ASAP1: variants seen among roughly 807,000 people sequenced by gnomAD.
ASAP1 encodes arf-GAP with SH3 domain, ANK repeat and PH domain-containing protein 1.
Under a neutral mutation model 145.2 loss-of-function variants are expected in ASAP1, and 43 were observed. That is an observed-to-expected ratio of 0.30 (90% CI 0.23 to 0.38). The LOEUF (loss-of-function observed/expected upper bound fraction) is 0.38, where lower values mean the gene tolerates loss of function less well. ASAP1 is among the 10% of genes least tolerant of loss of function. The pLI, the probability that ASAP1 is intolerant of heterozygous loss-of-function variation, is 1.00. For synonymous variants in ASAP1, 546 were observed against 515.5 expected, an observed-to-expected ratio of 1.06 and a Z score of -0.80; for missense variants, 1,018 against 1,355.3, an observed-to-expected ratio of 0.75 and a Z score of 3.91.
chr8:130,213,840 C>T (rs750943525), intron 5 of ASAP1, among the ~76,000 whole-genome samples: 2 of 152,142 alleles, frequency 1.3e-5, no homozygotes, highest in African/African-American at 2.4e-5. Flanking sequence ...TAAGTGTGCA[C>T]ATGGTATGAG....
chr8:130,275,671 G>C (rs1040415381), intron 3 of ASAP1, among the ~76,000 whole-genome samples: 1 of 151,270 alleles, frequency 6.6e-6, no homozygotes, highest in African/African-American at 2.4e-5. Context: ...TGCACAATTA[G>C]AGAAACGTAA....
intron 12 of ASAP1, among the ~76,000 whole-genome samples, chr8:130,153,469 A>G (rs2097651827): frequency 6.7e-6 from 1 of 150,062 alleles, no homozygotes; most frequent in African/African-American, 2.4e-5. Flanking sequence ...TCTCAGACTC[A>G]TATGATCCTC....
At chr8:130,348,005 C>T (rs974508109) in intron 3 of ASAP1, among the ~76,000 whole-genome samples, 1 of 152,162 alleles carries the variant, frequency 6.6e-6, no homozygotes, top group Non-Finnish European at 1.5e-5. Flanking sequence ...GCTTCCTCAT[C>T]CATAAAAAGA....
In ASAP1 at chr8:130,383,083, G is replaced by A. The variant is rs558461879; in HGVS notation, c.59+18802C>T. Among the ~76,000 whole-genome samples, 5 of 152,252 alleles carry A rather than the reference G, an allele frequency of 3.3e-5. 1 individual carries two copies. The highest frequency in any genetic ancestry group is 1.2e-4 in the African/African-American group (5 of 41,540). Reference sequence around the variant, plus strand: ...CACTGACGGTCTTCCCTCTCTCCTGGTTTCCCCTCTCTCAAAACAAGGGCT... The same window carrying A: ...CACTGACGGTCTTCCCTCTCTCCTGATTTCCCCTCTCTCAAAACAAGGGCT... On this transcript the variant is annotated intron_variant, in intron 2 of 29. Transcript: ENST00000518721.
intron 2 of ASAP1, among the ~76,000 whole-genome samples, chr8:130,362,057 A>G (rs944897024): frequency 3.3e-5 from 5 of 152,338 alleles, no homozygotes; most frequent in Admixed American, 1.3e-4. Context: ...TCGCCTTGAA[A>G]AAAAGGCAGC....
intron 3 of ASAP1, among the ~76,000 whole-genome samples, chr8:130,324,878 G>A (rs1484300368): frequency 6.6e-6 from 1 of 152,148 alleles, no homozygotes; most frequent in Non-Finnish European, 1.5e-5. Flanking sequence ...CACAGTGCAT[G>A]AGCATCTGGT....
At chr8:130,294,939 G>C (rs991377918) in intron 3 of ASAP1, among the ~76,000 whole-genome samples, 1 of 152,166 alleles carries the variant, frequency 6.6e-6, no homozygotes, top group East Asian at 1.9e-4. Flanking sequence ...AATGTGGACA[G>C]GGTTGTTGGA....
At chr8:130,135,094 T>C (rs2097591395) in intron 14 of ASAP1, among the ~76,000 whole-genome samples, 2 of 152,198 alleles carry the variant, frequency 1.3e-5, no homozygotes, top group South Asian at 2.1e-4. Context: ...TCTCAATATA[T>C]TCAGGTCAAA....
At chr8:130,312,741 A>G (rs984578097) in intron 3 of ASAP1, among the ~76,000 whole-genome samples, 1 of 152,240 alleles carries the variant, frequency 6.6e-6, no homozygotes, top group Non-Finnish European at 1.5e-5. Flanking sequence ...TCTAAAGCCC[A>G]TGTTCAACCA....
chr8:130,064,892 A>G (rs889916441), intron 27 of ASAP1, among the ~76,000 whole-genome samples: 1 of 105,938 alleles, frequency 9.4e-6, no homozygotes, highest in Non-Finnish European at 1.9e-5. Context: ...GTTTACTAAG[A>G]ATGTGTGTGT....
At chr8:130,373,135 C>A (rs1001134395) in intron 2 of ASAP1, among the ~76,000 whole-genome samples, 1 of 149,958 alleles carries the variant, frequency 6.7e-6, no homozygotes, top group Non-Finnish European at 1.5e-5. Context: ...CACACACACA[C>A]ACACACACAC....
At chr8:130,252,030 G>C (rs1378262828) in intron 3 of ASAP1, among the ~76,000 whole-genome samples, 2 of 152,002 alleles carry the variant, frequency 1.3e-5, no homozygotes, top group African/African-American at 4.8e-5. Context: ...AATAATAAAG[G>C]ATGTGTATTA....
chr8:130,314,002 A>G lies in ASAP1; in HGVS notation c.186+44015T>C, dbSNP rs1227909172. Among the ~76,000 whole-genome samples the G allele has an allele frequency of 2.0e-5, 3 of 152,166 alleles. No individual in the cohort carries two copies. The East Asian group carries it at 5.8e-4, about 29-fold the overall frequency. On this transcript the variant is annotated intron_variant, in intron 3 of 29. Coordinates refer to ENST00000518721, the MANE Select transcript of ASAP1 (RefSeq NM_018482.4). ...CCCTAGGCTGGCAAGCAGCCCACCA[A>G]TCACTCAGTGTGACAGGAAGTCAAT...
intron 1 of ASAP1, among the ~76,000 whole-genome samples, chr8:130,432,233 T>C (rs945549210): frequency 1.3e-5 from 2 of 151,688 alleles, no homozygotes; most frequent in African/African-American, 4.8e-5. Flanking sequence ...ATGTTACGGG[T>C]ACTCAAAGAA....
chr8:130,249,060 G>A (rs537246864), intron 3 of ASAP1, among the ~76,000 whole-genome samples: 7 of 152,004 alleles, frequency 4.6e-5, no homozygotes, highest in African/African-American at 1.7e-4. Flanking sequence ...CTCTATGTCA[G>A]GTTATTCTGC....
intron 3 of ASAP1, among the ~76,000 whole-genome samples, chr8:130,266,733 AT>A (rs562975550): frequency 7.7e-4 from 117 of 152,324 alleles, no homozygotes; most frequent in African/African-American, 2.7e-3. Flanking sequence ...ATTTGTAAAA[AT>A]AAAGACCTAA....
At chr8:130,262,961 A>C (rs1046086008) in intron 3 of ASAP1, among the ~76,000 whole-genome samples, 11 of 152,222 alleles carry the variant, frequency 7.2e-5, no homozygotes, top group African/African-American at 2.7e-4. Context: ...TCACTCCTCA[A>C]ATCAAAAGTT....
intron 24 of ASAP1, among the ~76,000 whole-genome samples, chr8:130,109,110 G>C (rs1051148872): frequency 5.9e-5 from 9 of 152,130 alleles, no homozygotes; most frequent in African/African-American, 2.2e-4. Context: ...AGTAGAAGTG[G>C]GGTGGGGGCA....
intron 27 of ASAP1, among the ~76,000 whole-genome samples, chr8:130,070,944 A>G (rs2097443805): frequency 8.2e-5 from 1 of 12,140 alleles, no homozygotes; most frequent in Non-Finnish European, 1.3e-4. Flanking sequence ...AGAGGGGGAG[A>G]GAGAGGGGTA....
Sources: allele counts gnomAD v4.1 joint callset (sites outside exome capture counted in the v4.1 genomes callset), GRCh38; gene constraint gnomAD v4.1.1; transcripts MANE v1.5; gene names NCBI Gene and HGNC (gene_info 2026-07-23, HGNC 2026-07-21).